Variants in SPEG observed in about 807,000 individuals in gnomAD.
SPEG encodes striated muscle preferentially expressed protein kinase.
In SPEG, 114 loss-of-function variants were observed where a neutral mutation model predicts 300.4. The observed-to-expected ratio is 0.38, with a 90% CI of 0.33 to 0.44. The LOEUF (loss-of-function observed/expected upper bound fraction) is 0.44. Ranked by LOEUF, SPEG falls within the 20% of genes least tolerant of loss-of-function variation. The probability of loss-of-function intolerance (pLI) is 1.00; values close to 1 mark genes in which losing one functional copy is unlikely to be tolerated. For synonymous variants in SPEG, 1,964 were observed against 2,018.9 expected (o/e 0.97, Z 0.73); for missense variants, 4,201 against 4,586.2 (o/e 0.92, Z 2.43).
intron 9 of SPEG, chr2:219,466,943 C>T: frequency 9.1e-7 from 1 of 1,096,652 alleles, no homozygotes; most frequent in Non-Finnish European, 1.2e-6. Context: ...CCTCAGTTCC[C>T]TCTTGCCTCC....
Position 219,468,572 on chromosome 2 carries a change from C to A in SPEG, c.3143-6C>A. On this transcript the variant is annotated splice_region_variant and splice_polypyrimidine_tract_variant and intron_variant, in intron 10 of 40. Transcript: ENST00000312358. ...CCCTATCTCTGAGCTGCCCCCTGCC[C>A]CACAGATGAGCTGACCTGCAGTGCC... 1 of 1,611,470 alleles carries A rather than the reference C, an allele frequency of 6.2e-7. No individual in the cohort carries two copies. Among genetic ancestry groups the A allele is most frequent in the Non-Finnish European group, 8.5e-7 (1 of 1,179,616 alleles).
intron 13 of SPEG, among the ~76,000 whole-genome samples, chr2:219,470,367 T>C (rs1691764606): frequency 6.6e-6 from 1 of 152,038 alleles, no homozygotes; most frequent in Non-Finnish European, 1.5e-5. Context: ...CGCCTGCCCA[T>C]CTCCAGTGAT....
intron 29 of SPEG, 50 bp from the exon 30 acceptor site, chr2:219,483,048 A>C (rs1413051078): frequency 1.3e-6 from 2 of 1,554,898 alleles, no homozygotes; most frequent in East Asian, 2.4e-5. Flanking sequence ...TGGGGGGGAC[A>C]ATCCTGCCCC....
At chr2:219,460,529 C>T (rs950934724) in intron 6 of SPEG, 53 of 985,312 alleles carry the variant, frequency 5.4e-5, no homozygotes, top group Admixed American at 6.1e-5. Flanking sequence ...GGACGGAGGC[C>T]CCACACCTTG....
intron 38 of SPEG, among the ~76,000 whole-genome samples, 157 bp from the exon 39 acceptor site, chr2:219,491,637 T>C (rs184376281): frequency 2.6e-5 from 4 of 152,332 alleles, no homozygotes; most frequent in Admixed American, 2.6e-4. Context: ...CCACCACCTC[T>C]GTCCTGCCTA....
rs754170036 is a variant in SPEG, at chr2:219,489,232, T to C, written c.8317+11T>C. The C allele has an allele frequency of 1.9e-6, 3 of 1,613,508 alleles. No homozygotes were observed. Among genetic ancestry groups the C allele is most frequent in the Non-Finnish European group, 2.5e-6 (3 of 1,179,708 alleles). ...TCAGGGGTACTCAAGGTCAGTGCAA[T>C]GGTATGGGGTGGGAGGAGGAAGGGG... is the stretch of plus-strand genomic sequence containing the variant. On this transcript the variant is annotated intron_variant, in intron 35 of 40. Transcript: ENST00000312358.
chr2:219,444,109 C>T lies in SPEG; in HGVS notation c.389-544C>T, dbSNP rs185988816. ...CCCCCCGCATCCCCCCCTTTCCCAC[C>T]CGGCCCCGGCCTCTCCTCACCCTGC... On this transcript the variant is annotated intron_variant, in intron 1 of 40. Coordinates refer to ENST00000312358, the MANE Select transcript of SPEG (RefSeq NM_005876.5). The surrounding 1 kb of genome is among the most constrained non-coding windows in gnomAD (Gnocchi z 7.8). The T allele has an allele frequency of 1.6e-6, 2 of 1,282,374 alleles. No homozygotes were observed. Among genetic ancestry groups the T allele is most frequent in the Non-Finnish European group, 1.0e-6 (1 of 959,088 alleles). 79.4% of individuals were successfully genotyped at this position (1,282,374 alleles called of 1,614,324 possible).
rs1693795684 is a variant in SPEG, at chr2:219,489,779, C to A, written c.8761C>A (p.Pro2921Thr). The A allele has an allele frequency of 6.2e-7, 1 of 1,613,652 alleles. No homozygotes were observed. The highest frequency in any genetic ancestry group is 2.2e-5 in the East Asian group (1 of 44,878). ...PAPEPPAPEP[P>T]PEPTKVTVQS... ...CCCTGAGCCCCCAGCCCCTGAGCCC[C>A]CTCCTGAGCCTACCAAGGTGACTGT... The change falls in exon 36 of 41, where the codon CCT (proline) becomes ACT (threonine). Residue 2921 changes from proline (P) to threonine (T), a missense_variant. By Grantham distance (38) the Pro-to-Thr change is conservative. Coordinates refer to ENST00000312358, the MANE Select transcript of SPEG (RefSeq NM_005876.5).
At position 219,451,301 on chromosome 2, in the gene SPEG, A is replaced by G. The variant is rs538012783; in HGVS notation, c.2257+22A>G. On this transcript the variant is annotated intron_variant, in intron 5 of 40. Transcript: ENST00000312358. The surrounding 1 kb of genome is among the most constrained non-coding windows in gnomAD (Gnocchi z 6.4). ...CAAGGTGAGCTCCAGCACTGGGCCA[A>G]GGTGCGGTCGAGGTTGGGAGGGGGT... 1 of 1,591,582 alleles carries G rather than the reference A, an allele frequency of 6.3e-7. No individual in the cohort carries two copies. The highest frequency in any genetic ancestry group is 8.5e-7 in the Non-Finnish European group (1 of 1,170,284).
intron 6 of SPEG, chr2:219,460,210 G>A (rs1690540947): frequency 1.4e-6 from 1 of 721,240 alleles, no homozygotes. Flanking sequence ...CCATGGCAGG[G>A]ATGAGGGGGC....
rs1692023878 is a variant in SPEG at position 219,473,022 on chromosome 2, G to A, written c.4073G>A (p.Arg1358Gln). The change falls in exon 16 of 41, where the codon CGG (arginine) becomes CAG (glutamine). Residue 1358 changes from arginine to glutamine, a missense_variant. Arg to Gln is a conservative substitution (Grantham distance 43, BLOSUM62 1). Around this residue, in one of 4 missense-constraint regions of SPEG, gnomAD observed 1,047 missense variants for 1,356.8 expected, o/e 0.77. Coordinates refer to ENST00000312358, the MANE Select transcript of SPEG (RefSeq NM_005876.5). The surrounding 1 kb of genome is among the most constrained non-coding windows in gnomAD (Gnocchi z 4.6). Reference sequence around the variant, plus strand: ...CGTAAGGGGGTCCAGCACATCTTCCGGGTCCTCAGCACCACTGTCAAGAGC... The same window carrying A: ...CGTAAGGGGGTCCAGCACATCTTCCAGGTCCTCAGCACCACTGTCAAGAGC... ...GLRKGVQHIF[R>Q]VLSTTVKSSS... is the part of the protein sequence containing the mutation. 6.8e-6 allele frequency: 11 copies of A among 1,613,986 alleles called. No homozygotes were observed. Among genetic ancestry groups the A allele is most frequent in the Non-Finnish European group, 8.5e-6 (10 of 1,180,014 alleles).
intron 14 of SPEG, 70 bp from the exon 15 acceptor site, chr2:219,472,157 C>G: frequency 1.9e-6 from 3 of 1,554,528 alleles, no homozygotes; most frequent in Non-Finnish European, 8.8e-7. Context: ...GCCTCCTGCC[C>G]TGAGGCTCGG....
chr2:219,488,676 G>A lies in SPEG; in HGVS notation c.8026+11G>A. 6 of 1,602,512 alleles carry A rather than the reference G, an allele frequency of 3.7e-6. No individual in the cohort carries two copies. Among genetic ancestry groups the A allele is most frequent in the Non-Finnish European group, 5.1e-6 (6 of 1,173,238 alleles). On this transcript the variant is annotated intron_variant, in intron 33 of 40. Coordinates refer to ENST00000312358, the MANE Select transcript of SPEG (RefSeq NM_005876.5). ...CCGTGGCTGTGGCCCGTGAGCCTGG[G>A]GCAGGGCCCCAGGGGGGTAGTGATG...
chr2:219,450,852 T>A, intron 4 of SPEG: 1 of 328,014 alleles, frequency 3.0e-6, no homozygotes, highest in Non-Finnish European at 5.6e-6. Context: ...TGCAGTCCTG[T>A]CTTTCTCCAG....
chr2:219,486,043 G>A (rs1364589591), intron 31 of SPEG, among the ~76,000 whole-genome samples: 1 of 152,208 alleles, frequency 6.6e-6, no homozygotes, highest in Non-Finnish European at 1.5e-5. Context: ...AGAGGACCAC[G>A]ACCTGGATTG....
chr2:219,485,532 C>G, intron 31 of SPEG, 55 bp downstream of exon 31: 1 of 1,486,612 alleles, frequency 6.7e-7, no homozygotes. Context: ...CTCCCCTACC[C>G]CCATCAGGGA....
chr2:219,490,406 CA>C lies in SPEG; in HGVS notation c.8922-2del, dbSNP rs1693861533. The stretch of plus-strand genomic sequence containing the variant: ...CGGTGGTGTCCCTCCCCCCGACACA[CA>C]GGGGCCGCTTTGGTGTTGTGCGAGC... On this transcript the variant is annotated splice_acceptor_variant, in intron 36 of 40. Transcript: ENST00000312358. LOFTEE classifies it high-confidence loss of function. The C allele has an allele frequency of 6.2e-7, 1 of 1,608,026 alleles. No individual in the cohort carries two copies. Among genetic ancestry groups the C allele is most frequent in the Non-Finnish European group, 8.5e-7 (1 of 1,177,188 alleles).
Position 219,462,200 on chromosome 2 carries a change from G to A in SPEG, c.2617-98G>A, listed in dbSNP as rs113865333. 4.2e-3 allele frequency: 5,148 copies of A among 1,237,278 alleles called. 17 individuals are homozygous for A. Among genetic ancestry groups the A allele is most frequent in the Non-Finnish European group, 5.1e-3 (4,482 of 879,112 alleles). The allele number at this position is 1,237,278 out of a possible 1,614,324, so 76.6% of individuals were successfully genotyped here. A position where few individuals can be genotyped will look rare whatever the true frequency, so the allele number is the denominator to read the frequency against. ...ACCCTCTTACCCAGAGCCAGTCTCA[G>A]CCTGGCTGTGGAAGAGTCCTCCGTC... On this transcript the variant is annotated intron_variant, in intron 7 of 40. Transcript: ENST00000312358.
rs977352584 is a variant in SPEG, at chr2:219,473,548, A to T, written c.4192A>T (p.Ile1398Phe). Residue 1398 changes from isoleucine to phenylalanine, a missense_variant, in exon 17 of 41, where the codon ATC becomes TTC. Ile to Phe is a conservative substitution (Grantham distance 21). Around this residue, in one of 4 missense-constraint regions of SPEG, gnomAD observed 1,047 missense variants for 1,356.8 expected, o/e 0.77. Transcript: ENST00000312358. The surrounding 1 kb of genome is among the most constrained non-coding windows in gnomAD (Gnocchi z 4.6). ...EAPAMLDKPD[I>F]VYVVEGQPAS... ...CCCTGCCATGCTGGACAAACCAGAC[A>T]TCGTGTATGTGGTGGAGGGACAGCC... The T allele has an allele frequency of 1.2e-6, 2 of 1,614,004 alleles. No individual in the cohort carries two copies. The highest frequency in any genetic ancestry group is 1.7e-6 in the Non-Finnish European group (2 of 1,180,030).
Sources: allele counts gnomAD v4.1 joint callset (sites outside exome capture counted in the v4.1 genomes callset), GRCh38; gene constraint gnomAD v4.1.1; regional missense constraint gnomAD v4.1.1; non-coding constraint Gnocchi (gnomAD v3.1); transcripts MANE v1.5; gene names NCBI Gene and HGNC (gene_info 2026-07-23, HGNC 2026-07-21).